Variants in FMO1 observed in about 807,000 individuals in gnomAD.
FMO1 encodes the protein flavin containing dimethylaniline monoxygenase 1.
In FMO1, 36 loss-of-function variants were observed where a neutral mutation model predicts 45.4. The observed-to-expected ratio is 0.79, with a 90% CI of 0.61 to 1.05. FMO1 has a LOEUF of 1.05. Ranked by LOEUF, FMO1 falls within the 50% of genes least tolerant of loss-of-function variation. The pLI, the probability that FMO1 is intolerant of heterozygous loss-of-function variation, is 0.00. For synonymous variants in FMO1, 228 were observed against 227.2 expected (o/e 1.00, Z -0.03); for missense variants, 615 against 640.3 (o/e 0.96, Z 0.43).
At chr1:171,258,523 A>G (rs1211389127) in intron 2 of FMO1, among the ~76,000 whole-genome samples, 1 of 152,210 alleles carries the variant, frequency 6.6e-6, no homozygotes, top group East Asian at 1.9e-4. Flanking sequence ...CCTAGGAGCA[A>G]AGGAGCAGGA....
In FMO1 at chr1:171,275,649, T is replaced by C. The variant is rs986745714; in HGVS notation, c.484+141T>C. 26 of 626,282 alleles carry C rather than the reference T, an allele frequency of 4.2e-5. No homozygotes were observed. In the African/African-American group the frequency reaches 4.9e-4, roughly 12 times the overall value. The allele number at this position is 626,282 out of a possible 1,614,324, so 38.8% of individuals were successfully genotyped here. On this transcript the variant is annotated intron_variant, in intron 4 of 8. Coordinates refer to ENST00000617670, the MANE Select transcript of FMO1 (RefSeq NM_001282693.2). ...AGGAGGAGGCTTTTTTTGTTTTGTTTTGTTTTTTTCTAGCCAGCATTTTCT... is the reference window on the plus strand; with the variant it reads ...AGGAGGAGGCTTTTTTTGTTTTGTTCTGTTTTTTTCTAGCCAGCATTTTCT...
At chr1:171,283,740 A>G (rs1301075687) in intron 8 of FMO1, among the ~76,000 whole-genome samples, 7 of 152,212 alleles carry the variant, frequency 4.6e-5, no homozygotes, top group African/African-American at 1.2e-4. Context: ...ATGTGAAAAA[A>G]TCATATGAAA....
At chr1:171,271,431 G>T in intron 3 of FMO1, 1 of 1,015,218 alleles carries the variant, frequency 9.9e-7, no homozygotes, top group Non-Finnish European at 1.6e-6. Context: ...CTCTTTAGCA[G>T]ACATGGTCTT....
intron 3 of FMO1, among the ~76,000 whole-genome samples, chr1:171,269,780 A>C (rs541776282): frequency 1.3e-5 from 2 of 152,318 alleles, no homozygotes; most frequent in Admixed American, 1.3e-4. Context: ...TGAGATGCAA[A>C]ATTTAAGTGT....
At chr1:171,271,660 G>C (rs1382139385) in intron 3 of FMO1, 5 of 688,664 alleles carry the variant, frequency 7.3e-6, no homozygotes, top group African/African-American at 1.8e-5. Context: ...CCCCAGTGCT[G>C]TCTCTATGGA....
intron 3 of FMO1, among the ~76,000 whole-genome samples, chr1:171,275,054 G>T (rs370083705): frequency 1.3e-4 from 20 of 152,154 alleles, no homozygotes; most frequent in African/African-American, 4.8e-4. Flanking sequence ...AATGAAAAAG[G>T]CATCAGAAAC....
intron 4 of FMO1, among the ~76,000 whole-genome samples, chr1:171,277,263 G>T (rs1661148080): frequency 6.6e-6 from 1 of 152,056 alleles, no homozygotes; most frequent in Non-Finnish European, 1.5e-5. Flanking sequence ...TTCACTGAAG[G>T]TATTTAAAAA....
In FMO1 at chr1:171,282,068, A is replaced by G. The variant is rs749722564; in HGVS notation, c.918A>G (p.Val306=). Residue 306 remains valine, a synonymous_variant, in exon 7 of 9, where the codon GTA becomes GTG. Transcript: ENST00000617670. ...TCATCAGGCCAAGCATAAAAGAGGT[A>G]AAGGAAAACTCTGTCATATTTAACA... ...KVFIRPSIKE[V]KENSVIFNNT... is the part of the protein sequence containing the mutation. 1 of 1,613,832 alleles carries G rather than the reference A, an allele frequency of 6.2e-7. No homozygotes were observed. The highest frequency in any genetic ancestry group is 1.1e-5 in the South Asian group (1 of 91,068).
In FMO1 at chr1:171,278,884, T is replaced by C; in HGVS notation, c.627+13T>C. 6.3e-7 allele frequency: 1 copy of C among 1,590,104 alleles called. No homozygotes were observed. The highest frequency in any genetic ancestry group is 1.3e-5 in the African/African-American group (1 of 74,472). ...CCTGGCGGAAAAGGTACATTCCTGA[T>C]GTTACTGGGTGAAGAGCTTTATCTT... On this transcript the variant is annotated intron_variant, in intron 5 of 8. Coordinates refer to ENST00000617670, the MANE Select transcript of FMO1 (RefSeq NM_001282693.2).
At chr1:171,257,384 T>G (rs1322881405) in intron 1 of FMO1, among the ~76,000 whole-genome samples, 2 of 152,052 alleles carry the variant, frequency 1.3e-5, no homozygotes, top group Non-Finnish European at 2.9e-5. Context: ...TGAATCAGTA[T>G]CCAATTGAGA....
At chr1:171,278,144 C>G (rs1661185401) in intron 4 of FMO1, among the ~76,000 whole-genome samples, 1 of 152,150 alleles carries the variant, frequency 6.6e-6, no homozygotes, top group Non-Finnish European at 1.5e-5. Context: ...TTTCTCTGAG[C>G]CAACTCTGGC....
chr1:171,285,716 G>T lies in FMO1; in HGVS notation c.*172G>T. 1 of 411,674 alleles carries T rather than the reference G, an allele frequency of 2.4e-6. No individual in the cohort carries two copies. The highest frequency in any genetic ancestry group is 3.6e-5 in the East Asian group (1 of 28,122). 25.5% of individuals were successfully genotyped at this position (411,674 alleles called of 1,614,324 possible). A position where few individuals can be genotyped will look rare whatever the true frequency, so the allele number is the denominator to read the frequency against. ...CACTGGTATTCCTGAGCCTCTCCCA[G>T]CTCCACTTCTAATGCTAGAGAATGA... is the stretch of plus-strand genomic sequence containing the variant. On this transcript the variant is annotated 3_prime_UTR_variant, in exon 9 of 9. Transcript: ENST00000617670.
chr1:171,259,488 A>G (rs1466375290), intron 2 of FMO1, among the ~76,000 whole-genome samples: 1 of 152,196 alleles, frequency 6.6e-6, no homozygotes, highest in Non-Finnish European at 1.5e-5. Context: ...CGAAGACATT[A>G]TTATCAAACA....
chr1:171,271,545 G>A (rs1252047455), intron 3 of FMO1: 8 of 829,594 alleles, frequency 9.6e-6, no homozygotes, highest in Non-Finnish European at 1.0e-5. Flanking sequence ...AAATGCATAT[G>A]ATGACATTTT....
At chr1:171,252,818 G>T (rs1558001593) in intron 1 of FMO1, among the ~76,000 whole-genome samples, 1 of 152,242 alleles carries the variant, frequency 6.6e-6, no homozygotes, top group Non-Finnish European at 1.5e-5. Flanking sequence ...TGAGGGGACA[G>T]AAGAGGGAGG....
chr1:171,275,930 G>C (rs779785522), intron 4 of FMO1, among the ~76,000 whole-genome samples: 3 of 152,050 alleles, frequency 2.0e-5, no homozygotes, highest in Non-Finnish European at 4.4e-5. Flanking sequence ...TTTTCTATTT[G>C]TTCCTCTTAT....
chr1:171,253,997 G>A (rs1459202203), intron 1 of FMO1: 1 of 152,206 alleles, frequency 6.6e-6, no homozygotes, highest in Non-Finnish European at 1.5e-5. Flanking sequence ...AATCAATCGA[G>A]TTAGCGTACT....
At chr1:171,285,116 AT>A (rs1185420978) in intron 8 of FMO1, 85 bp from the exon 9 acceptor site, 1 of 837,914 alleles carries the variant, frequency 1.2e-6, no homozygotes, top group Non-Finnish European at 1.9e-6. Flanking sequence ...CTGCAGCAGT[AT>A]TTGTTTGCTT....
intron 1 of FMO1, among the ~76,000 whole-genome samples, chr1:171,248,992 T>A (rs1659755328): frequency 6.6e-6 from 1 of 151,360 alleles, no homozygotes. Flanking sequence ...AGTGCTTCCA[T>A]CAGCAGCTTC....
Sources: gnomAD v4.1 joint callset for allele counts (sites outside exome capture counted in the v4.1 genomes callset) on GRCh38, gnomAD v4.1.1 for gene constraint, MANE v1.5 for transcripts, NCBI Gene and HGNC (gene_info 2026-07-23, HGNC 2026-07-21) for gene names.